Variants in RANBP2 observed in about 807,000 individuals in gnomAD.
RANBP2 encodes the protein E3 SUMO-protein ligase RanBP2.
A neutral mutation model predicts 303.6 loss-of-function variants in RANBP2; 57 were observed. The ratio of observed to expected loss-of-function variants is 0.19; its 90% CI spans 0.15 to 0.23. The LOEUF is 0.23. Among genes scored for constraint, RANBP2 ranks in the 10% least tolerant of loss-of-function variants. The pLI, the probability that RANBP2 is intolerant of heterozygous loss-of-function variation, is 1.00. For synonymous variants in RANBP2, 1,167 were observed against 1,301.5 expected (o/e 0.90, Z 2.23); for missense variants, 3,138 against 3,780.8 (o/e 0.83, Z 4.46).
At chr2:109,677,525 G>A in the RANBP2 span, among the ~76,000 whole-genome samples, 8 of 152,182 alleles carry the variant, frequency 5.3e-5, no homozygotes, top group African/African-American at 1.9e-4. Context: ...GCCACAGAAT[G>A]TTTACTGAAG....
chr2:108,924,578 C>T, the RANBP2 span, among the ~76,000 whole-genome samples: 5 of 151,906 alleles, frequency 3.3e-5, no homozygotes, highest in African/African-American at 4.8e-5. Flanking sequence ...CCCATGGAGG[C>T]CCCTGCTGAC....
In RANBP2 at chr2:108,771,695, T is replaced by G. The variant is rs183569993; in HGVS notation, c.7850-6T>G. The G allele has an allele frequency of 3.4e-3, 5,413 of 1,611,682 alleles. 15 individuals carry two copies. The highest frequency in any genetic ancestry group is 4.0e-3 in the South Asian group (366 of 91,078). On this transcript the variant is annotated splice_region_variant and splice_polypyrimidine_tract_variant and intron_variant, in intron 20 of 28. Transcript: ENST00000283195. Reference sequence around the variant, plus strand: ...TCTTTGTCAATTTTTTTGACTGGTGTTACAGCAAAAGAGAAGAAAAAACCT... The same window carrying G: ...TCTTTGTCAATTTTTTTGACTGGTGGTACAGCAAAAGAGAAGAAAAAACCT...
chr2:109,410,330 G>A, the RANBP2 span, among the ~76,000 whole-genome samples: 1 of 152,244 alleles, frequency 6.6e-6, no homozygotes, highest in African/African-American at 2.4e-5. Context: ...GTGACAGGGA[G>A]AGAGATGCAG....
chr2:108,752,079 C>G (rs1001323832), intron 12 of RANBP2, 85 bp downstream of exon 12: 3 of 1,599,200 alleles, frequency 1.9e-6, no homozygotes, highest in Non-Finnish European at 1.7e-6. Context: ...TTTTTTTGTT[C>G]TGAAAACAGC....
chr2:109,174,042 C>T, the RANBP2 span, among the ~76,000 whole-genome samples: 2 of 152,184 alleles, frequency 1.3e-5, no homozygotes, highest in Non-Finnish European at 2.9e-5. Context: ...CACAGCAGTG[C>T]GGTTTGGTGG....
the RANBP2 span, among the ~76,000 whole-genome samples, chr2:109,705,263 G>A: frequency 2.6e-5 from 4 of 151,774 alleles, no homozygotes; most frequent in South Asian, 4.2e-4. Context: ...AAATTAGCTC[G>A]GTGTGGTGGT....
the RANBP2 span, among the ~76,000 whole-genome samples, chr2:109,454,784 A>C: frequency 1.1e-3 from 169 of 152,238 alleles, no homozygotes; most frequent in African/African-American, 3.9e-3. Context: ...ACTTAATTCA[A>C]AAACATCTCG....
At chr2:109,548,395 AGAC>A in the RANBP2 span, among the ~76,000 whole-genome samples, 2 of 152,184 alleles carry the variant, frequency 1.3e-5, no homozygotes, top group African/African-American at 2.4e-5. Context: ...GTCTAGAAAA[AGAC>A]GACATAGCTG....
chr2:109,022,284 T>G, the RANBP2 span, among the ~76,000 whole-genome samples: 4 of 152,148 alleles, frequency 2.6e-5, no homozygotes, highest in Non-Finnish European at 5.9e-5. Flanking sequence ...GCAACTGTGG[T>G]TCCCCCGCCC....
Position 108,735,708 on chromosome 2 carries a change from C to G in RANBP2, c.582C>G (p.Asn194Lys). 1 of 1,597,584 alleles carries G rather than the reference C, an allele frequency of 6.3e-7. No homozygotes were observed. Among genetic ancestry groups the G allele is most frequent in the South Asian group, 1.1e-5 (1 of 90,994 alleles). Residue 194 changes from asparagine to lysine, a missense_variant, in exon 5 of 29, where the codon AAC (asparagine) becomes AAG (lysine). Physicochemically the swap from Asn to Lys is moderately conservative, Grantham distance 94. Coordinates refer to ENST00000283195, the MANE Select transcript of RANBP2 (RefSeq NM_006267.5). ...AVAHCHEAER[N>K]IALRSSLEWN... ...CCCACTGCCATGAGGCAGAGAGGAA[C>G]ATAGCTTTGCGTTCAAGTTTAGAAT... is the stretch of plus-strand genomic sequence containing the variant.
chr2:109,726,603 C>T, the RANBP2 span, among the ~76,000 whole-genome samples: 1 of 152,292 alleles, frequency 6.6e-6, no homozygotes, highest in African/African-American at 2.4e-5. Context: ...TAACAAGCTG[C>T]ATGATCCTGG....
chr2:109,433,700 G>A, the RANBP2 span, among the ~76,000 whole-genome samples: 2 of 152,202 alleles, frequency 1.3e-5, no homozygotes, highest in African/African-American at 4.8e-5. Context: ...AGTTCGCAAG[G>A]CAATCTTCAG....
At chr2:109,609,350 T>C in the RANBP2 span, among the ~76,000 whole-genome samples, 1 of 151,986 alleles carries the variant, frequency 6.6e-6, no homozygotes, top group Non-Finnish European at 1.5e-5. Context: ...ATAATACAGG[T>C]TGCTCTTCCA....
the RANBP2 span, among the ~76,000 whole-genome samples, chr2:109,520,676 A>T: frequency 7.2e-6 from 1 of 137,970 alleles, no homozygotes; most frequent in African/African-American, 2.5e-5. Flanking sequence ...CACGCCTATA[A>T]TCCCAGCACT....
At chr2:109,717,995 CA>C in the RANBP2 span, among the ~76,000 whole-genome samples, 3 of 152,052 alleles carry the variant, frequency 2.0e-5, no homozygotes, top group Admixed American at 6.6e-5. Flanking sequence ...ATAAATTTAA[CA>C]AAATGAGCAA....
the RANBP2 span, among the ~76,000 whole-genome samples, chr2:108,844,829 C>CCT: frequency 6.6e-6 from 1 of 150,990 alleles, no homozygotes; most frequent in African/African-American, 2.4e-5. Flanking sequence ...CTCACTGCAA[C>CCT]CTCCGACTCC....
the RANBP2 span, among the ~76,000 whole-genome samples, chr2:109,235,668 A>G: frequency 6.6e-6 from 1 of 152,196 alleles, no homozygotes; most frequent in East Asian, 1.9e-4. Flanking sequence ...GGAGAGAGGG[A>G]GAGTGTACGT....
At chr2:109,067,510 G>C in the RANBP2 span, among the ~76,000 whole-genome samples, 1 of 152,176 alleles carries the variant, frequency 6.6e-6, no homozygotes, top group Non-Finnish European at 1.5e-5. Flanking sequence ...CCCAGCTCCA[G>C]GACTCGGGCA....
chr2:109,685,604 G>A, the RANBP2 span, among the ~76,000 whole-genome samples: 1 of 152,204 alleles, frequency 6.6e-6, no homozygotes, highest in Non-Finnish European at 1.5e-5. Flanking sequence ...CCCCCTGCAC[G>A]GCCTGGTGGA....
Sources: gnomAD v4.1 joint callset for allele counts (sites outside exome capture counted in the v4.1 genomes callset) on GRCh38, gnomAD v4.1.1 for gene constraint, MANE v1.5 for transcripts, NCBI Gene and HGNC (gene_info 2026-07-23, HGNC 2026-07-21) for gene names.